Variants in PLEKHG7 observed in about 807,000 individuals in gnomAD.
PLEKHG7 encodes pleckstrin homology and RhoGEF domain containing G7.
Under a neutral mutation model 85.2 loss-of-function variants are expected in PLEKHG7, and 77 were observed. The observed-to-expected ratio is 0.90, with a 90% CI of 0.75 to 1.09. The LOEUF (loss-of-function observed/expected upper bound fraction) is 1.09. PLEKHG7 is among the 50% of genes least tolerant of loss of function. PLEKHG7 has a pLI of 0.00. For missense variants in PLEKHG7, 777 were observed against 804.3 expected (o/e 0.97, Z 0.41); for synonymous variants, 301 against 302.4 (o/e 1.00, Z 0.05).
At chr12:92,732,301 T>C (rs1872014829) in intron 5 of PLEKHG7, 28 bp downstream of exon 5, 1 of 1,213,954 alleles carries the variant, frequency 8.2e-7, no homozygotes, top group Non-Finnish European at 1.0e-6. Flanking sequence ...CCATTTTTGT[T>C]TTAATTAAGC....
In PLEKHG7 at chr12:92,771,120, G is replaced by C. The variant is rs1197089685; in HGVS notation, c.*925G>C. Reference sequence around the variant, plus strand: ...GTTTGAATAATTATTATCATGGCAGGATATATACTATTAACTACATTCAAG... The same window carrying C: ...GTTTGAATAATTATTATCATGGCAGCATATATACTATTAACTACATTCAAG... On this transcript the variant is annotated 3_prime_UTR_variant, in exon 17 of 17. Coordinates refer to ENST00000344636, the MANE Select transcript of PLEKHG7 (RefSeq NM_001377329.1). 1 of 151,842 alleles carries C rather than the reference G, an allele frequency of 6.6e-6. No individual in the cohort carries two copies. The highest frequency in any genetic ancestry group is 1.9e-4 in the East Asian group (1 of 5,188). 9.4% of individuals were successfully genotyped at this position (151,842 alleles called of 1,614,324 possible).
chr12:92,753,487 C>T (rs1221312988), intron 10 of PLEKHG7, among the ~76,000 whole-genome samples: 1 of 152,196 alleles, frequency 6.6e-6, no homozygotes, highest in African/African-American at 2.4e-5. Context: ...TTCCCCGGTG[C>T]TGGCATACCC....
At chr12:92,741,445 A>T (rs1872351957) in intron 8 of PLEKHG7, 46 bp from the exon 9 acceptor site, 2 of 1,277,356 alleles carry the variant, frequency 1.6e-6, no homozygotes, top group South Asian at 2.6e-5. Context: ...TTATTCCTTA[A>T]CCCTGGGTGT....
At position 92,754,119 on chromosome 12, in the gene PLEKHG7, G is replaced by A. The variant is rs773428271; in HGVS notation, c.1281G>A (p.Arg427=). The A allele has an allele frequency of 5.0e-6, 8 of 1,613,798 alleles. No individual in the cohort carries two copies. The highest frequency in any genetic ancestry group is 1.3e-5 in the African/African-American group (1 of 74,890). The change falls in exon 11 of 17, where the codon CGG becomes CGA. Residue 427 remains arginine, a synonymous_variant. Transcript: ENST00000344636. ...KWCEQNEQCR[R]LHVPELLVAP... ...GTGAGCAGAATGAACAATGCAGACGGCTCCACGTGCCAGAGCTGCTAGTGG... is the reference window on the plus strand; with the variant it reads ...GTGAGCAGAATGAACAATGCAGACGACTCCACGTGCCAGAGCTGCTAGTGG...
At chr12:92,720,470 C>G (rs1029315924) in intron 3 of PLEKHG7, among the ~76,000 whole-genome samples, 2 of 152,002 alleles carry the variant, frequency 1.3e-5, no homozygotes, top group South Asian at 4.2e-4. Context: ...GGACTACAGG[C>G]GTGCGCCACC....
chr12:92,722,597 A>G (rs965837247), intron 3 of PLEKHG7, among the ~76,000 whole-genome samples: 2 of 152,082 alleles, frequency 1.3e-5, no homozygotes, highest in East Asian at 3.9e-4. Context: ...TTCAACTCCA[A>G]ATTTGACCTT....
At chr12:92,761,637 AG>A (rs1565797540) in intron 13 of PLEKHG7, 114 bp from the exon 14 acceptor site, 2 of 506,138 alleles carry the variant, frequency 4.0e-6, no homozygotes, top group Non-Finnish European at 5.5e-6. Context: ...AAAGAAAGAA[AG>A]AAAGAAAGAA....
chr12:92,743,653 A>C (rs1872433466), intron 9 of PLEKHG7, among the ~76,000 whole-genome samples: 1 of 152,072 alleles, frequency 6.6e-6, no homozygotes, highest in Non-Finnish European at 1.5e-5. Context: ...TCTGCCTCTC[A>C]GGTTCAAGCA....
chr12:92,766,613 C>G (rs138229864), intron 15 of PLEKHG7, among the ~76,000 whole-genome samples: 1 of 151,824 alleles, frequency 6.6e-6, no homozygotes, highest in African/African-American at 2.4e-5. Flanking sequence ...TAGGCTGAGG[C>G]GGGCAAATCA....
At chr12:92,755,778 A>G in intron 11 of PLEKHG7, 47 bp from the exon 12 acceptor site, 1 of 1,243,404 alleles carries the variant, frequency 8.0e-7, no homozygotes, top group African/African-American at 1.5e-5. Context: ...TTTATACTGC[A>G]ATGTCATATG....
chr12:92,756,716 G>A (rs1193889253), intron 13 of PLEKHG7, among the ~76,000 whole-genome samples: 1 of 152,154 alleles, frequency 6.6e-6, no homozygotes, highest in Non-Finnish European at 1.5e-5. Flanking sequence ...CATCATAATC[G>A]TTGTACTCCC....
chr12:92,760,747 A>G lies in PLEKHG7; in HGVS notation c.1637-1005A>G, dbSNP rs893294598. ...CTATTCCCTTCTTAGGGAAAACTAA[A>G]GAAAAGCTATTTGCCTTAAGTAACT... On this transcript the variant is annotated intron_variant, in intron 13 of 16. Transcript: ENST00000344636. Among the ~76,000 whole-genome samples the G allele has an allele frequency of 2.7e-4, 41 of 151,836 alleles. 2 individuals are homozygous for G.
Position 92,754,243 on chromosome 12 carries a change from GA to G in PLEKHG7, c.1409del (p.Lys470ArgfsTer13). ...GAAAATCATGATCTACTCCATCAAG[GA>G]AAAGGTGGAAAAGTCCATCCGTAAG... The part of the protein sequence containing the change: ...AEKIMIYSIK[E>X]KVEKSIRDLE... On this transcript the variant is annotated frameshift_variant, in exon 11 of 17. Transcript: ENST00000344636. LOFTEE classifies it high-confidence loss of function. The G allele has an allele frequency of 1.9e-6, 3 of 1,613,870 alleles. No individual in the cohort carries two copies. Among genetic ancestry groups the G allele is most frequent in the Non-Finnish European group, 2.5e-6 (3 of 1,179,886 alleles).
chr12:92,715,149 C>T (rs945684473), intron 3 of PLEKHG7, among the ~76,000 whole-genome samples: 5 of 152,216 alleles, frequency 3.3e-5, no homozygotes, highest in African/African-American at 1.2e-4. Context: ...GAGAGCCAGT[C>T]AGAGTTCCAA....
intron 3 of PLEKHG7, 121 bp downstream of exon 3, chr12:92,707,793 A>G (rs1246624304): frequency 1.3e-6 from 2 of 1,531,938 alleles, no homozygotes; most frequent in Non-Finnish European, 1.8e-6. Flanking sequence ...TTTGTTTTAT[A>G]GCACTCAAGT....
At chr12:92,707,226 G>A in intron 2 of PLEKHG7, 88 bp downstream of exon 2, 1 of 1,485,034 alleles carries the variant, frequency 6.7e-7, no homozygotes, top group Non-Finnish European at 8.9e-7. Flanking sequence ...CCAAGGGCCA[G>A]TAGATCCTAA....
chr12:92,729,587 C>G (rs1592677874), intron 4 of PLEKHG7, among the ~76,000 whole-genome samples: 1 of 151,918 alleles, frequency 6.6e-6, no homozygotes, highest in Non-Finnish European at 1.5e-5. Flanking sequence ...GATAGACAGG[C>G]AGCTTTAGGG....
At chr12:92,707,535 T>G in intron 2 of PLEKHG7, 115 bp from the exon 3 acceptor site, 5 of 1,500,338 alleles carry the variant, frequency 3.3e-6, no homozygotes, top group Non-Finnish European at 4.5e-6. Flanking sequence ...CCCACCAAAA[T>G]GTAAAACATG....
chr12:92,767,597 T>C (rs965066628), intron 15 of PLEKHG7, among the ~76,000 whole-genome samples: 2 of 152,172 alleles, frequency 1.3e-5, no homozygotes, highest in Non-Finnish European at 2.9e-5. Context: ...ACAGACTTTA[T>C]TTTTTGTAGT....
Sources: allele counts gnomAD v4.1 joint callset (sites outside exome capture counted in the v4.1 genomes callset), GRCh38; gene constraint gnomAD v4.1.1; transcripts MANE v1.5; gene names NCBI Gene and HGNC (gene_info 2026-07-23, HGNC 2026-07-21).